KIAA1549L: variants seen among roughly 807,000 people sequenced by gnomAD.
The protein encoded by KIAA1549L is UPF0606 protein KIAA1549L.
In KIAA1549L, 88 loss-of-function variants were observed where a neutral mutation model predicts 160.7. That is an observed-to-expected ratio of 0.55 (90% CI 0.46 to 0.65). The LOEUF (loss-of-function observed/expected upper bound fraction) is 0.65. Ranked by LOEUF, KIAA1549L falls within the 30% of genes least tolerant of loss-of-function variation. KIAA1549L has a pLI of 0.00. For missense variants in KIAA1549L, 2,258 were observed against 2,437.5 expected (o/e 0.93, Z 1.55); for synonymous variants, 950 against 976.7 (o/e 0.97, Z 0.51).
At chr11:33,458,328 G>A (rs1565145621) in intron 1 of KIAA1549L, among the ~76,000 whole-genome samples, 1 of 152,216 alleles carries the variant, frequency 6.6e-6, no homozygotes, top group South Asian at 2.1e-4. Context: ...TTTATGGCAT[G>A]TGGGCCACCA....
chr11:33,515,208 G>A (rs976348052), intron 1 of KIAA1549L, among the ~76,000 whole-genome samples: 1 of 152,146 alleles, frequency 6.6e-6, no homozygotes, highest in African/African-American at 2.4e-5. Context: ...GTGGAAGCAG[G>A]GCAGCTAATA....
At chr11:33,438,933 T>C (rs1236778603) in intron 1 of KIAA1549L, among the ~76,000 whole-genome samples, 1 of 152,138 alleles carries the variant, frequency 6.6e-6, no homozygotes, top group Non-Finnish European at 1.5e-5. Flanking sequence ...TTTATTTATT[T>C]ATTTATTTTC....
At chr11:33,568,781 A>AC (rs1377837913) in intron 9 of KIAA1549L, among the ~76,000 whole-genome samples, 3 of 152,004 alleles carry the variant, frequency 2.0e-5, no homozygotes, top group Non-Finnish European at 4.4e-5. Context: ...ACATCCCCTT[A>AC]CCATTTTTGT....
At chr11:33,575,582 G>A (rs942827970) in intron 10 of KIAA1549L, among the ~76,000 whole-genome samples, 13 of 152,234 alleles carry the variant, frequency 8.5e-5, no homozygotes, top group Admixed American at 2.6e-4. Context: ...TAACCTGCTC[G>A]GCATCACAGA....
chr11:33,540,870 A>G (rs1444486184), intron 1 of KIAA1549L, among the ~76,000 whole-genome samples: 1 of 152,204 alleles, frequency 6.6e-6, no homozygotes, highest in Non-Finnish European at 1.5e-5. Context: ...GGTTTCTCTT[A>G]TAAAATCAAG....
chr11:33,650,321 G>A (rs7948932), intron 17 of KIAA1549L, among the ~76,000 whole-genome samples: 74,322 of 152,034 alleles, frequency 0.49, 18,790 homozygotes, highest in South Asian at 0.62. Context: ...GCAAGGCTGT[G>A]TGAGAAGGGA....
chr11:33,665,704 G>T (rs1246006894), intron 20 of KIAA1549L: 1 of 152,272 alleles, frequency 6.6e-6, no homozygotes, highest in African/African-American at 2.4e-5. Context: ...AGGGCCTTGT[G>T]GGAGACCCGC....
intron 1 of KIAA1549L, chr11:33,450,948 C>A (rs78330623): frequency 0.02 from 2,999 of 152,488 alleles, 96 homozygotes; most frequent in African/African-American, 0.068. Context: ...GCTGGCCATG[C>A]CCATGAGAGA....
chr11:33,518,743 T>C (rs1053775431), intron 1 of KIAA1549L, among the ~76,000 whole-genome samples: 7 of 152,278 alleles, frequency 4.6e-5, no homozygotes, highest in Non-Finnish European at 1.0e-4. Context: ...AATCTAACTT[T>C]GGTTATTAAA....
intron 3 of KIAA1549L, 26 bp from the exon 4 acceptor site, chr11:33,547,738 T>G: frequency 6.8e-7 from 1 of 1,463,236 alleles, no homozygotes; most frequent in Non-Finnish European, 9.5e-7. Context: ...CTTGCCTGAT[T>G]GCCATGCTTC....
At chr11:33,614,763 C>T (rs541624784) in intron 15 of KIAA1549L, among the ~76,000 whole-genome samples, 271 of 148,998 alleles carry the variant, frequency 1.8e-3, no homozygotes, top group Non-Finnish European at 3.1e-3. Context: ...CAGGCACGCG[C>T]CACCACGCCC....
intron 9 of KIAA1549L, among the ~76,000 whole-genome samples, chr11:33,568,561 A>G (rs998349647): frequency 6.6e-6 from 1 of 152,224 alleles, no homozygotes; most frequent in Admixed American, 6.5e-5. Flanking sequence ...CTTGTTCAGT[A>G]AGCTCAATGA....
At chr11:33,414,658 A>G (rs1188106506) in intron 1 of KIAA1549L, among the ~76,000 whole-genome samples, 3 of 152,262 alleles carry the variant, frequency 2.0e-5, no homozygotes, top group African/African-American at 4.8e-5. Context: ...GGGTATTGGT[A>G]TTAAAAAGCA....
At chr11:33,662,779 CA>C (rs2133451083) in intron 20 of KIAA1549L, among the ~76,000 whole-genome samples, 1 of 152,210 alleles carries the variant, frequency 6.6e-6, no homozygotes, top group Non-Finnish European at 1.5e-5. Context: ...ATAATTTAGC[CA>C]GGCTTATAAC....
intron 10 of KIAA1549L, among the ~76,000 whole-genome samples, chr11:33,580,587 AAAAAGAAAAG>A (rs1554994222): frequency 7.8e-6 from 1 of 127,532 alleles, no homozygotes. Flanking sequence ...AAAAAAAAAA[AAAAAGAAAAG>A]AAAAGAAAAA....
chr11:33,385,198 C>T (rs1371399278), intron 1 of KIAA1549L, among the ~76,000 whole-genome samples: 2 of 152,176 alleles, frequency 1.3e-5, no homozygotes, highest in Non-Finnish European at 2.9e-5. Context: ...ATTGTTCTAG[C>T]ACCACTTATT....
chr11:33,463,995 G>A (rs950603083), intron 1 of KIAA1549L, among the ~76,000 whole-genome samples: 9 of 152,160 alleles, frequency 5.9e-5, no homozygotes, highest in African/African-American at 1.9e-4. Flanking sequence ...TGTTTGTTTA[G>A]TGCTTACCCT....
intron 10 of KIAA1549L, among the ~76,000 whole-genome samples, chr11:33,580,592 G>GAAAAA (rs1855605346): frequency 2.3e-5 from 3 of 131,042 alleles, no homozygotes; most frequent in African/African-American, 9.2e-5. Flanking sequence ...AAAAAAAAAA[G>GAAAAA]AAAAGAAAAG....
At chr11:33,597,363 C>T (rs143458116) in intron 12 of KIAA1549L, among the ~76,000 whole-genome samples, 1,914 of 152,094 alleles carry the variant, frequency 0.013, 18 homozygotes, top group South Asian at 0.024. Flanking sequence ...TGGAAATTTC[C>T]GGAGGCAGAG....
Sources: allele counts gnomAD v4.1 joint callset (sites outside exome capture counted in the v4.1 genomes callset), GRCh38; gene constraint gnomAD v4.1.1; transcripts MANE v1.5; gene names NCBI Gene and HGNC (gene_info 2026-07-23, HGNC 2026-07-21).